The following GRIP1 variants were observed in gnomAD, a reference collection of about 807,000 sequenced individuals.
GRIP1 encodes glutamate receptor-interacting protein 1.
In GRIP1, 45 loss-of-function variants were observed where a neutral mutation model predicts 129.9. That is an observed-to-expected ratio of 0.35 (90% CI 0.27 to 0.44). The LOEUF (loss-of-function observed/expected upper bound fraction) is 0.44. Among genes scored for constraint, GRIP1 ranks in the 20% least tolerant of loss-of-function variants. The pLI, the probability that GRIP1 is intolerant of heterozygous loss-of-function variation, is 1.00. For missense variants in GRIP1, 1,196 were observed against 1,396.8 expected, an observed-to-expected ratio of 0.86 and a Z score of 2.29; for synonymous variants, 530 against 520.8, an observed-to-expected ratio of 1.02 and a Z score of -0.24.
At chr12:66,822,627 TAAAGAA>T (rs2039340779) in intron 1 of GRIP1, among the ~76,000 whole-genome samples, 1 of 152,078 alleles carries the variant, frequency 6.6e-6, no homozygotes, top group African/African-American at 2.4e-5. Context: ...ATGGACTGGA[TAAAGAA>T]AATGTGGTAC....
intron 1 of GRIP1, among the ~76,000 whole-genome samples, chr12:66,599,935 C>T (rs1297066401): frequency 6.6e-6 from 1 of 152,118 alleles, no homozygotes; most frequent in Non-Finnish European, 1.5e-5. Context: ...TTTAGATAGA[C>T]AATAAGATTT....
chr12:66,738,843 T>C (rs959456441), intron 1 of GRIP1, among the ~76,000 whole-genome samples: 2 of 152,192 alleles, frequency 1.3e-5, no homozygotes, highest in African/African-American at 4.8e-5. Flanking sequence ...CATGAAGGTG[T>C]ATATCTGTTT....
At chr12:66,880,598 AG>A (rs1392805372) in intron 1 of GRIP1, among the ~76,000 whole-genome samples, 1 of 152,152 alleles carries the variant, frequency 6.6e-6, no homozygotes, top group Non-Finnish European at 1.5e-5. Flanking sequence ...TTCAATGGCT[AG>A]TACTAAGAAA....
At chr12:66,680,831 C>T (rs1592737381), upstream of GRIP1, among the ~76,000 whole-genome samples, 2 of 152,294 alleles carry the variant, frequency 1.3e-5, no homozygotes, top group Admixed American at 1.3e-4. Context: ...ACCACCCCAG[C>T]CCAGTCTATT....
At chr12:66,936,729 G>A (rs2041491993) in intron 1 of GRIP1, among the ~76,000 whole-genome samples, 1 of 152,120 alleles carries the variant, frequency 6.6e-6, no homozygotes, top group Non-Finnish European at 1.5e-5. Flanking sequence ...ACTTAACCTA[G>A]GGAATCTGTC....
At chr12:66,443,450 C>CCT (rs1023745093) in intron 13 of GRIP1, among the ~76,000 whole-genome samples, 7 of 137,082 alleles carry the variant, frequency 5.1e-5, no homozygotes, top group African/African-American at 2.0e-4. Flanking sequence ...TTTTCTCTTT[C>CCT]TTTTTTTTTT....
At chr12:66,562,085 G>A (rs2062554191) in intron 2 of GRIP1, among the ~76,000 whole-genome samples, 1 of 152,100 alleles carries the variant, frequency 6.6e-6, no homozygotes, top group Non-Finnish European at 1.5e-5. Context: ...TCCAGCCTGG[G>A]TCAGAGCAAG....
intron 1 of GRIP1, among the ~76,000 whole-genome samples, chr12:66,921,450 C>G (rs2041211281): frequency 6.6e-6 from 1 of 152,170 alleles, no homozygotes; most frequent in Non-Finnish European, 1.5e-5. Context: ...AATTTCTTGG[C>G]CTTGTTCTTT....
intron 1 of GRIP1, among the ~76,000 whole-genome samples, chr12:66,737,450 AT>A (rs1366354536): frequency 6.6e-6 from 1 of 152,020 alleles, no homozygotes; most frequent in African/African-American, 2.4e-5. Context: ...TACCCAGATA[AT>A]TTTTGTATTT....
chr12:66,703,084 A>AGG (rs1243664200), intron 1 of GRIP1, among the ~76,000 whole-genome samples: 1 of 152,096 alleles, frequency 6.6e-6, no homozygotes, highest in Non-Finnish European at 1.5e-5. Flanking sequence ...AAGCACAGAG[A>AGG]GGAGATCTAA....
In GRIP1 at chr12:66,967,242, T is replaced by C. The variant is rs184442300; in HGVS notation, c.58+101808A>G. ...TGGTACAGTGTGATGTTTTGATACA[T>C]GTATACATTGTGTAACAATAAAACC... On this transcript the variant is annotated intron_variant, in intron 1 of 1. Coordinates refer to the GRIP1 transcript ENST00000643019. Among the ~76,000 whole-genome samples the C allele has an allele frequency of 3.8e-3, 583 of 152,324 alleles. 2 individuals are homozygous for C. The highest frequency in any genetic ancestry group is 0.016 in the South Asian group (79 of 4,832).
intron 1 of GRIP1, among the ~76,000 whole-genome samples, chr12:66,773,848 A>C (rs1252151382): frequency 6.6e-6 from 1 of 152,188 alleles, no homozygotes; most frequent in Non-Finnish European, 1.5e-5. Context: ...TTATCAAAGA[A>C]AGCATAATAT....
intron 1 of GRIP1, among the ~76,000 whole-genome samples, chr12:66,931,167 A>C (rs540486419): frequency 2.0e-5 from 3 of 152,250 alleles, no homozygotes; most frequent in Non-Finnish European, 4.4e-5. Flanking sequence ...CTAAGAATTG[A>C]ATCTTAAAAT....
intron 1 of GRIP1, among the ~76,000 whole-genome samples, chr12:66,706,931 A>C (rs2035549338): frequency 6.6e-6 from 1 of 151,780 alleles, no homozygotes; most frequent in African/African-American, 2.4e-5. Context: ...CCACCATGGC[A>C]CACAGATACC....
chr12:67,016,362 C>G (rs1251884904), intron 1 of GRIP1, among the ~76,000 whole-genome samples: 1 of 152,136 alleles, frequency 6.6e-6, no homozygotes, highest in South Asian at 2.1e-4. Flanking sequence ...CTGAAATAAT[C>G]ACTAATATCA....
intron 22 of GRIP1, among the ~76,000 whole-genome samples, chr12:66,376,530 C>T (rs1023912156): frequency 1.3e-5 from 2 of 152,196 alleles, no homozygotes; most frequent in African/African-American, 4.8e-5. Flanking sequence ...CATTCCATCT[C>T]GTTCTTCCTT....
At chr12:66,385,517 T>C (rs893472764) in intron 19 of GRIP1, among the ~76,000 whole-genome samples, 1 of 152,052 alleles carries the variant, frequency 6.6e-6, no homozygotes, top group Non-Finnish European at 1.5e-5. Flanking sequence ...GCCTGGGTGA[T>C]AAAAGCAAAA....
intron 1 of GRIP1, among the ~76,000 whole-genome samples, chr12:66,760,991 T>C (rs75939005): frequency 0.013 from 1,990 of 152,158 alleles, 51 homozygotes; most frequent in African/African-American, 0.046. Context: ...TAAGACAGCA[T>C]AGCATGTCAC....
Position 66,977,643 on chromosome 12 carries a change from T to C in GRIP1, c.58+91407A>G, listed in dbSNP as rs568105640. ...AGTTTTGCCCATTTTTAAGTTTATA[T>C]AAATGGGAATCAAACAATACATACT... On this transcript the variant is annotated intron_variant, in intron 1 of 1. Coordinates refer to the GRIP1 transcript ENST00000643019. Among the ~76,000 whole-genome samples the C allele has an allele frequency of 4.6e-5, 7 of 152,240 alleles. No individual in the cohort carries two copies. The East Asian group carries it at 1.4e-3, about 29-fold the overall frequency.
Sources: allele counts gnomAD v4.1 joint callset (sites outside exome capture counted in the v4.1 genomes callset), GRCh38; gene constraint gnomAD v4.1.1; transcripts MANE v1.5; gene names NCBI Gene and HGNC (gene_info 2026-07-23, HGNC 2026-07-21).